ANK2: variants seen among roughly 807,000 people sequenced by gnomAD.
ANK2 encodes ankyrin 2.
ANK2 carries 83 observed loss-of-function variants against 360.5 expected under a neutral mutation model. The ratio of observed to expected loss-of-function variants is 0.23; its 90% CI spans 0.19 to 0.28. The LOEUF is 0.28. Ranked by LOEUF, ANK2 falls within the 10% of genes least tolerant of loss-of-function variation. The pLI is 1.00. For synonymous variants in ANK2, 1,740 were observed against 1,759.5 expected, an observed-to-expected ratio of 0.99 and a Z score of 0.28; for missense variants, 4,201 against 4,795.7, an observed-to-expected ratio of 0.88 and a Z score of 3.66.
At chr4:113,117,491 T>C (rs1243105366) in intron 1 of ANK2, 1 of 440,746 alleles carries the variant, frequency 2.3e-6, no homozygotes, top group Non-Finnish European at 4.6e-6. Context: ...AACTGGCAAC[T>C]TCATCCTCCC....
intron 23 of ANK2, among the ~76,000 whole-genome samples, chr4:113,305,339 C>CAAAAAAAAAAAAAA: frequency 1.0e-5 from 1 of 96,994 alleles, no homozygotes; most frequent in Non-Finnish European, 1.9e-5. Flanking sequence ...GACTCCGTCT[C>CAAAAAAAAAAAAAA]AAAAAAAAAA....
intron 2 of ANK2, among the ~76,000 whole-genome samples, chr4:112,930,946 A>G (rs563984811): frequency 6.1e-4 from 93 of 152,250 alleles, no homozygotes; most frequent in African/African-American, 2.2e-3. Flanking sequence ...AATAACAAGC[A>G]GAGCCTCAAG....
chr4:113,136,141 A>T (rs1355641112), intron 1 of ANK2, among the ~76,000 whole-genome samples: 1 of 152,178 alleles, frequency 6.6e-6, no homozygotes, highest in African/African-American at 2.4e-5. Context: ...AGTGCCTGCT[A>T]TATAGGGGCA....
intron 1 of ANK2, among the ~76,000 whole-genome samples, chr4:113,095,669 C>T (rs1479449582): frequency 6.6e-6 from 1 of 152,032 alleles, no homozygotes; most frequent in Non-Finnish European, 1.5e-5. Flanking sequence ...CAGATTTATA[C>T]CTTTCTGTTT....
At chr4:112,861,869 A>AGAGAGAGAGAGAGAGAG (rs773734914) in intron 1 of ANK2, among the ~76,000 whole-genome samples, 55 of 69,234 alleles carry the variant, frequency 7.9e-4, no homozygotes, top group African/African-American at 1.7e-3. Flanking sequence ...GAGAGAGAGA[A>AGAGAGAGAGAGAGAGAG]ACTCTCACAG....
At chr4:112,911,993 C>G (rs1366663999) in intron 2 of ANK2, among the ~76,000 whole-genome samples, 1 of 151,714 alleles carries the variant, frequency 6.6e-6, no homozygotes, top group Non-Finnish European at 1.5e-5. Context: ...CTGGCTAACA[C>G]AGTGAAACCC....
At chr4:112,749,945 C>T in the ANK2 span, among the ~76,000 whole-genome samples, 3 of 152,092 alleles carry the variant, frequency 2.0e-5, no homozygotes, top group South Asian at 4.1e-4. Flanking sequence ...GGGGTTTCAC[C>T]GTGTTGGCCA....
At chr4:112,878,213 C>G (rs2075713711) in intron 1 of ANK2, among the ~76,000 whole-genome samples, 1 of 138,484 alleles carries the variant, frequency 7.2e-6, no homozygotes, top group South Asian at 2.2e-4. Flanking sequence ...CTTCATCCGG[C>G]TGTCCAATTG....
At chr4:112,888,378 A>G (rs2079006304) in intron 1 of ANK2, among the ~76,000 whole-genome samples, 1 of 152,196 alleles carries the variant, frequency 6.6e-6, no homozygotes, top group Admixed American at 6.5e-5. Context: ...ACACGCTCAT[A>G]TTTTGTATAA....
chr4:112,797,132 T>A, the ANK2 span: 1 of 193,714 alleles, frequency 5.2e-6, no homozygotes, highest in African/African-American at 2.3e-5. Context: ...GCTCTTTGGC[T>A]AAGGGCAATT....
intron 5 of ANK2, among the ~76,000 whole-genome samples, chr4:113,235,025 A>G (rs1173195674): frequency 1.3e-5 from 2 of 152,190 alleles, no homozygotes; most frequent in Non-Finnish European, 2.9e-5. Flanking sequence ...CCATTTTTAT[A>G]CAGTATTTCT....
Position 113,382,624 on chromosome 4 carries a change from TTC to T in ANK2, c.*1155_*1156del, listed in dbSNP as rs1013096829. The T allele has an allele frequency of 6.7e-6, 1 of 149,932 alleles. No homozygotes were observed. Among genetic ancestry groups the T allele is most frequent in the African/African-American group, 2.4e-5 (1 of 40,836 alleles). 9.3% of individuals were successfully genotyped at this position (149,932 alleles called of 1,614,324 possible). A position where few individuals can be genotyped will look rare whatever the true frequency, so the allele number is the denominator to read the frequency against. ...AACTCCTTCAGTATGTTGGAGTGGT[TTC>T]TTTTTTTTTTTCTTTCTTTCTTTTT... On this transcript the variant is annotated 3_prime_UTR_variant, in exon 46 of 46. Transcript: ENST00000357077.
Position 113,143,698 on chromosome 4 carries a change from C to T in ANK2, c.85-30718C>T, listed in dbSNP as rs149711132. Among the ~76,000 whole-genome samples the T allele has an allele frequency of 4.7e-3, 713 of 152,158 alleles. 9 individuals are homozygous for T. The highest frequency in any genetic ancestry group is 0.016 in the African/African-American group (660 of 41,494). On this transcript the variant is annotated intron_variant, in intron 1 of 45. Coordinates refer to ENST00000357077, the MANE Select transcript of ANK2 (RefSeq NM_001148.6). ...GTTCATATATGTTCAAGAAGAAGCA[C>T]GTATTATAAGACTTTGTGGACCACA...
intron 1 of ANK2, among the ~76,000 whole-genome samples, chr4:112,893,011 C>G (rs1328946386): frequency 6.6e-6 from 1 of 152,046 alleles, no homozygotes; most frequent in East Asian, 1.9e-4. Flanking sequence ...AACTATATTT[C>G]AGATAAATAG....
the ANK2 span, among the ~76,000 whole-genome samples, chr4:112,746,503 G>A: frequency 1.1e-5 from 1 of 93,462 alleles, no homozygotes; most frequent in Non-Finnish European, 1.9e-5. Context: ...GTGAGATGCT[G>A]TCTCAAAAAA....
intron 2 of ANK2, among the ~76,000 whole-genome samples, chr4:113,001,959 A>C (rs1047995885): frequency 1.3e-5 from 2 of 152,040 alleles, no homozygotes; most frequent in African/African-American, 4.8e-5. Context: ...CAATTATCTA[A>C]TGTCTTAAAA....
At chr4:113,320,577 C>A (rs2085564397) in intron 26 of ANK2, among the ~76,000 whole-genome samples, 1 of 152,094 alleles carries the variant, frequency 6.6e-6, no homozygotes, top group East Asian at 1.9e-4. Flanking sequence ...ATCATTTGAA[C>A]CCGGGAGGTG....
Position 113,353,416 on chromosome 4 carries a change from A to T in ANK2, c.4798A>T (p.Ile1600Leu). The T allele has an allele frequency of 6.2e-7, 1 of 1,614,122 alleles. No individual in the cohort carries two copies. The highest frequency in any genetic ancestry group is 8.5e-7 in the Non-Finnish European group (1 of 1,179,986). The change falls in exon 38 of 46, where the codon ATA becomes TTA. Residue 1600 changes from isoleucine to leucine, a missense_variant. Around this residue, in one of 4 missense-constraint regions of ANK2, gnomAD observed 1,268 missense variants for 1,650.8 expected, o/e 0.77. Coordinates refer to ENST00000357077, the MANE Select transcript of ANK2 (RefSeq NM_001148.6). ...EEWVIVSDEE[I>L]EEARQKAPLE... ...ATGGGTTATTGTCAGTGATGAGGAA[A>T]TAGAAGAGGCTAGGCAAAAAGCACC... is the stretch of plus-strand genomic sequence containing the variant.
At chr4:113,326,643 GT>G (rs532837506) in intron 26 of ANK2, among the ~76,000 whole-genome samples, 2 of 151,906 alleles carry the variant, frequency 1.3e-5, no homozygotes, top group Admixed American at 1.3e-4. Flanking sequence ...AACTTGGTGG[GT>G]TTTTTTGGTT....
Sources: gnomAD v4.1 joint callset for allele counts (sites outside exome capture counted in the v4.1 genomes callset) on GRCh38, gnomAD v4.1.1 for gene constraint, gnomAD v4.1.1 regional missense constraint, MANE v1.5 for transcripts, NCBI Gene and HGNC (gene_info 2026-07-23, HGNC 2026-07-21) for gene names.